Variants in GPD1L observed in about 807,000 individuals in gnomAD.
GPD1L encodes the protein glycerol-3-phosphate dehydrogenase 1 like, also known as glycerol-3-phosphate dehydrogenase 1-like protein.
GPD1L carries 17 observed loss-of-function variants against 32.9 expected under a neutral mutation model. The ratio of observed to expected loss-of-function variants is 0.52; its 90% CI spans 0.35 to 0.78. The LOEUF is 0.78. Ranked by LOEUF, GPD1L falls within the 30% of genes least tolerant of loss-of-function variation. The probability of loss-of-function intolerance (pLI) is 0.01; values close to 1 mark genes in which losing one functional copy is unlikely to be tolerated. For missense variants in GPD1L, 361 were observed against 447.8 expected (o/e 0.81, Z 1.75); for synonymous variants, 187 against 165.9 (o/e 1.13, Z -0.98).
intron 5 of GPD1L, among the ~76,000 whole-genome samples, chr3:32,152,444 A>G (rs1029987250): frequency 2.6e-5 from 4 of 152,130 alleles, no homozygotes; most frequent in Non-Finnish European, 5.9e-5. Context: ...TGGAAAATCC[A>G]GTATCGGGCA....
intron 1 of GPD1L, among the ~76,000 whole-genome samples, chr3:32,114,329 A>C (rs1209041820): frequency 6.6e-6 from 1 of 152,222 alleles, no homozygotes; most frequent in South Asian, 2.1e-4. Context: ...ACCTTCATGA[A>C]CTTAATAGGC....
At chr3:32,144,325 G>A (rs555718059) in intron 4 of GPD1L, among the ~76,000 whole-genome samples, 166 of 152,162 alleles carry the variant, frequency 1.1e-3, no homozygotes, top group African/African-American at 3.8e-3. Context: ...GTCTCCTTTC[G>A]TTCTTGGGGC....
chr3:32,156,018 T>C (rs911390760), intron 5 of GPD1L, among the ~76,000 whole-genome samples: 3 of 152,138 alleles, frequency 2.0e-5, no homozygotes, highest in African/African-American at 7.2e-5. Flanking sequence ...GCTCTTAGCC[T>C]CTGCATAGCA....
intron 1 of GPD1L, among the ~76,000 whole-genome samples, chr3:32,113,241 G>C (rs1700279027): frequency 7.3e-6 from 1 of 136,646 alleles, no homozygotes; most frequent in African/African-American, 3.1e-5. Context: ...ATTAATTGTT[G>C]AAAAAATCTT....
intron 5 of GPD1L, among the ~76,000 whole-genome samples, chr3:32,149,024 T>C (rs1467695761): frequency 1.3e-5 from 2 of 152,198 alleles, no homozygotes; most frequent in Non-Finnish European, 2.9e-5. Flanking sequence ...AAACAAAAAC[T>C]AGATATTAGT....
At chr3:32,107,656 T>C (rs1266615343) in intron 1 of GPD1L, among the ~76,000 whole-genome samples, 1 of 152,188 alleles carries the variant, frequency 6.6e-6, no homozygotes. Flanking sequence ...CCGGTTTTTC[T>C]GTGGCGTGAC....
At chr3:32,141,514 A>G (rs569955704) in intron 4 of GPD1L, among the ~76,000 whole-genome samples, 7 of 152,242 alleles carry the variant, frequency 4.6e-5, no homozygotes, top group Non-Finnish European at 1.0e-4. Context: ...TCATAACTGC[A>G]TAGCATTCCA....
chr3:32,115,388 TTAGC>T (rs747734763), intron 1 of GPD1L, among the ~76,000 whole-genome samples: 11 of 152,222 alleles, frequency 7.2e-5, no homozygotes, highest in Non-Finnish European at 1.5e-4. Flanking sequence ...TTACAATACT[TTAGC>T]TAGGCAGAAA....
At chr3:32,162,455 G>C (rs1487525093) in intron 7 of GPD1L, among the ~76,000 whole-genome samples, 2 of 59,440 alleles carry the variant, frequency 3.4e-5, no homozygotes, top group Non-Finnish European at 5.9e-5. Flanking sequence ...GCGCAATCTC[G>C]GCTCACTGCA....
chr3:32,109,921 GT>G (rs1393480311), intron 1 of GPD1L, among the ~76,000 whole-genome samples: 1 of 152,202 alleles, frequency 6.6e-6, no homozygotes, highest in East Asian at 1.9e-4. Flanking sequence ...TTGTTTGTTT[GT>G]TTTTGTTTTT....
In GPD1L at chr3:32,127,116, C is replaced by T. The variant is rs182356312; in HGVS notation, c.48-960C>T. ...CCAACATGTTCTGCATCCACTTGGC[C>T]GCCCCCGCCTTTTGTTGTCACCCCC... On this transcript the variant is annotated intron_variant, in intron 1 of 7. Coordinates refer to ENST00000282541, the MANE Select transcript of GPD1L (RefSeq NM_015141.4). 2.9e-3 allele frequency among the ~76,000 whole-genome samples: 442 copies of T among 152,234 alleles called. 4 individuals carry two copies. The highest frequency in any genetic ancestry group is 2.1e-3 in the Non-Finnish European group (141 of 68,010).
chr3:32,137,970 A>T (rs1332258509), intron 2 of GPD1L, among the ~76,000 whole-genome samples: 4 of 152,254 alleles, frequency 2.6e-5, no homozygotes, highest in Non-Finnish European at 4.4e-5. Flanking sequence ...TAAAAGGGTC[A>T]GGGAAAGAAC....
intron 7 of GPD1L, among the ~76,000 whole-genome samples, chr3:32,162,519 G>A (rs1041298269): frequency 8.4e-6 from 1 of 118,674 alleles, no homozygotes; most frequent in Non-Finnish European, 1.7e-5. Context: ...CCCAGTAGCT[G>A]GGACTACAGG....
chr3:32,144,104 G>A (rs760239309), intron 4 of GPD1L, among the ~76,000 whole-genome samples: 1 of 152,190 alleles, frequency 6.6e-6, no homozygotes, highest in Non-Finnish European at 1.5e-5. Flanking sequence ...TTATATGTTA[G>A]ATAATAATAT....
At chr3:32,110,851 G>C (rs932250993) in intron 1 of GPD1L, among the ~76,000 whole-genome samples, 2 of 152,184 alleles carry the variant, frequency 1.3e-5, no homozygotes, top group Non-Finnish European at 2.9e-5. Flanking sequence ...AGATGAAACA[G>C]TTTCTTTTTT....
chr3:32,131,609 G>A (rs189510420), intron 2 of GPD1L, among the ~76,000 whole-genome samples: 4 of 152,270 alleles, frequency 2.6e-5, no homozygotes, highest in East Asian at 1.9e-4. Flanking sequence ...GGCTGAATAC[G>A]ATCCTGTTGT....
chr3:32,137,876 C>G (rs1700689360), intron 2 of GPD1L, among the ~76,000 whole-genome samples: 1 of 152,190 alleles, frequency 6.6e-6, no homozygotes, highest in South Asian at 2.1e-4. Flanking sequence ...GGATCATTTA[C>G]AGAGGGGCCA....
intron 1 of GPD1L, among the ~76,000 whole-genome samples, chr3:32,126,153 C>A (rs1700504526): frequency 6.6e-6 from 1 of 152,110 alleles, no homozygotes; most frequent in Non-Finnish European, 1.5e-5. Context: ...TGTGACTGTG[C>A]CACTGCACTC....
At chr3:32,119,308 C>G (rs923435656) in intron 1 of GPD1L, among the ~76,000 whole-genome samples, 1 of 152,192 alleles carries the variant, frequency 6.6e-6, no homozygotes, top group Admixed American at 6.5e-5. Flanking sequence ...TAGTAGCCAT[C>G]TAAGTGGATC....
Sources: gnomAD v4.1 joint callset for allele counts (sites outside exome capture counted in the v4.1 genomes callset) on GRCh38, gnomAD v4.1.1 for gene constraint, MANE v1.5 for transcripts, NCBI Gene and HGNC (gene_info 2026-07-23, HGNC 2026-07-21) for gene names.